Variants in ZNF503 observed in about 807,000 individuals in gnomAD.
The protein encoded by ZNF503 is NocA-like zinc finger 2.
ZNF503 carries 15 observed loss-of-function variants against 34.4 expected under a neutral mutation model. The ratio of observed to expected loss-of-function variants is 0.44; its 90% CI spans 0.29 to 0.67. ZNF503 has a LOEUF of 0.67. Ranked by LOEUF, ZNF503 falls within the 30% of genes least tolerant of loss-of-function variation. The pLI is 0.13. For synonymous variants in ZNF503, 580 were observed against 456.8 expected (o/e 1.27, Z -3.44); for missense variants, 1,007 against 926.8 (o/e 1.09, Z -1.12).
chr10:75,332,214 T>C, the ZNF503 span, among the ~76,000 whole-genome samples: 1 of 152,154 alleles, frequency 6.6e-6, no homozygotes, highest in South Asian at 2.1e-4. Context: ...GTCAATAATC[T>C]CTTTAAATAT....
chr10:75,391,484 A>G, the ZNF503 span, among the ~76,000 whole-genome samples: 8 of 152,290 alleles, frequency 5.3e-5, no homozygotes, highest in South Asian at 1.7e-3. Flanking sequence ...CCAAGCCTGG[A>G]CTGCCCACCT....
At chr10:75,293,812 T>G in the ZNF503 span, among the ~76,000 whole-genome samples, 3 of 152,126 alleles carry the variant, frequency 2.0e-5, no homozygotes, top group Non-Finnish European at 4.4e-5. Context: ...ATTTGGAGAA[T>G]GTAAAGAGAT....
chr10:75,401,342 G>GCCGCCTCCACCT lies in ZNF503; in HGVS notation c.77_78insAGGTGGAGGCGG (p.Gly24_Gly27dup). ...CGCTGGTCCAGGCAGGGTCTGCACC[G>GCCGCCTCCACCT]CCGCCTCCGCCTCCGCCGCCGCCGC... is the stretch of plus-strand genomic sequence containing the variant. On this transcript the variant is annotated inframe_insertion, in exon 1 of 2. Coordinates refer to ENST00000372524, the MANE Select transcript of ZNF503 (RefSeq NM_032772.6). The GCCGCCTCCACCT allele has an allele frequency of 6.5e-7, 1 of 1,538,546 alleles. No homozygotes were observed. Among genetic ancestry groups the GCCGCCTCCACCT allele is most frequent in the Non-Finnish European group, 8.7e-7 (1 of 1,146,318 alleles).
chr10:75,339,534 T>C, the ZNF503 span, among the ~76,000 whole-genome samples: 2 of 152,248 alleles, frequency 1.3e-5, no homozygotes, highest in Admixed American at 1.3e-4. Context: ...CCACCAGTGG[T>C]AGACATTCAA....
chr10:75,398,079 C>T lies in ZNF503; in HGVS notation c.*670G>A, dbSNP rs918024953. The T allele has an allele frequency of 4.0e-5, 6 of 151,094 alleles. No individual in the cohort carries two copies. The highest frequency in any genetic ancestry group is 1.5e-4 in the African/African-American group (6 of 40,784). The allele number at this position is 151,094 out of a possible 1,614,324, so 9.4% of individuals were successfully genotyped here. ...ATACATACAAAAAAATACCCATTCT[C>T]TTCGATGGTATACACCTTAAAAATA... On this transcript the variant is annotated 3_prime_UTR_variant, in exon 2 of 2. Transcript: ENST00000372524.
the ZNF503 span, among the ~76,000 whole-genome samples, chr10:75,327,989 G>C: frequency 1.0e-3 from 154 of 152,084 alleles, no homozygotes; most frequent in African/African-American, 3.5e-3. Context: ...TGAGTTCCTT[G>C]TGTATTCTAG....
At chr10:75,347,393 A>T in the ZNF503 span, among the ~76,000 whole-genome samples, 1 of 152,344 alleles carries the variant, frequency 6.6e-6, no homozygotes, top group South Asian at 2.1e-4. Context: ...AGGGCTGACG[A>T]GAGGAGAACG....
At chr10:75,304,190 T>C in the ZNF503 span, among the ~76,000 whole-genome samples, 2 of 152,230 alleles carry the variant, frequency 1.3e-5, no homozygotes, top group Admixed American at 1.3e-4. Context: ...TTTTGGTCTC[T>C]GGTTTGTTTT....
chr10:75,302,349 CTT>C, the ZNF503 span, among the ~76,000 whole-genome samples: 1 of 147,148 alleles, frequency 6.8e-6, no homozygotes, highest in Non-Finnish European at 1.5e-5. Context: ...GTGTAGATCT[CTT>C]TTTATATATC....
chr10:75,286,127 G>A, the ZNF503 span, among the ~76,000 whole-genome samples: 99 of 151,812 alleles, frequency 6.5e-4, no homozygotes, highest in African/African-American at 2.3e-3. Flanking sequence ...TACTAAAAAT[G>A]CAAAAATTAG....
the ZNF503 span, among the ~76,000 whole-genome samples, chr10:75,328,622 T>C: frequency 6.6e-6 from 1 of 152,046 alleles, no homozygotes; most frequent in Admixed American, 6.6e-5. Flanking sequence ...TTTTTTTTTC[T>C]ATTTCTATGG....
chr10:75,300,258 C>T, the ZNF503 span, among the ~76,000 whole-genome samples: 247 of 152,324 alleles, frequency 1.6e-3, 1 homozygote, highest in Middle Eastern at 3.4e-3. Flanking sequence ...GGCTCACCGG[C>T]GGTCAGAGTT....
At chr10:75,400,912 G>A in intron 1 of ZNF503, 193 bp downstream of exon 1, 1 of 807,098 alleles carries the variant, frequency 1.2e-6, no homozygotes, top group Non-Finnish European at 1.9e-6. Context: ...TTGCTCCCTA[G>A]CATGCACGCC....
chr10:75,401,105 C>T lies in ZNF503; in HGVS notation c.315G>A (p.Glu105=). ...PLPSTPVSPI[E]LDAKKSPLAL... ...TGCGATCCAGAGAGAGGGTCCTTAC[C>T]TCGATGGGGCTGACCGGCGTGGAAG... Residue 105 remains glutamate (E), a splice_region_variant and synonymous_variant, in exon 1 of 2, where the codon GAG becomes GAA. Transcript: ENST00000372524. 4 of 1,613,728 alleles carry T rather than the reference C, an allele frequency of 2.5e-6. No individual in the cohort carries two copies. Among genetic ancestry groups the T allele is most frequent in the Non-Finnish European group, 3.4e-6 (4 of 1,179,920 alleles).
the ZNF503 span, among the ~76,000 whole-genome samples, chr10:75,340,122 G>A: frequency 7.0e-6 from 1 of 142,916 alleles, no homozygotes; most frequent in Admixed American, 7.3e-5. Flanking sequence ...ACTGAGGTGG[G>A]AGGATCACCT....
downstream of ZNF503, among the ~76,000 whole-genome samples, chr10:75,393,504 G>A (rs1843665302): frequency 6.6e-6 from 1 of 152,172 alleles, no homozygotes; most frequent in African/African-American, 2.4e-5. Flanking sequence ...GTTGAGGCTG[G>A]GTGATGGGTT....
chr10:75,312,285 A>T, the ZNF503 span, among the ~76,000 whole-genome samples: 2 of 152,182 alleles, frequency 1.3e-5, no homozygotes, highest in Non-Finnish European at 1.5e-5. Context: ...TAAAAGGAAA[A>T]AACAAATGAA....
At chr10:75,286,397 T>C in the ZNF503 span, among the ~76,000 whole-genome samples, 1 of 152,192 alleles carries the variant, frequency 6.6e-6, no homozygotes, top group East Asian at 1.9e-4. Context: ...GGGCTAGGGC[T>C]GTGGGTCTGT....
At chr10:75,327,968 G>A in the ZNF503 span, among the ~76,000 whole-genome samples, 1 of 151,948 alleles carries the variant, frequency 6.6e-6, no homozygotes, top group Admixed American at 6.6e-5. Context: ...TTATTTTGCT[G>A]TTCAGTTGTT....
Sources: allele counts gnomAD v4.1 joint callset (sites outside exome capture counted in the v4.1 genomes callset), GRCh38; gene constraint gnomAD v4.1.1; transcripts MANE v1.5; gene names NCBI Gene and HGNC (gene_info 2026-07-23, HGNC 2026-07-21).